NAA15: variants seen among roughly 807,000 people sequenced by gnomAD.
NAA15 encodes N-terminal acetyltransferase.
Under a neutral mutation model 114.0 loss-of-function variants are expected in NAA15, and 34 were observed. That is an observed-to-expected ratio of 0.30 (90% confidence interval 0.23 to 0.40). The LOEUF (loss-of-function observed/expected upper bound fraction) is 0.40, where lower values mean the gene tolerates loss of function less well. Ranked by LOEUF, NAA15 falls within the 10% of genes least tolerant of loss-of-function variation. The probability of loss-of-function intolerance (pLI) is 1.00; values close to 1 mark genes in which losing one functional copy is unlikely to be tolerated. For synonymous variants in NAA15, 340 were observed against 338.0 expected, an observed-to-expected ratio of 1.01 and a Z score of -0.06; for missense variants, 658 against 1,004.5, an observed-to-expected ratio of 0.66 and a Z score of 4.66.
chr4:139,341,036 A>T lies in NAA15; in HGVS notation c.369A>T (p.Leu123=). Residue 123 remains leucine (L), a synonymous_variant, in exon 4 of 20, where the codon CTA becomes CTT. Transcript: ENST00000296543. ...NLQILRDLSL[L]QIQMRDLEGY... ...AAATCTTAAGGGACCTTTCCTTACT[A>T]CAGATTCAAATGCGAGATCTTGAGG... 1 of 1,592,144 alleles carries T rather than the reference A, an allele frequency of 6.3e-7. No homozygotes were observed. Among genetic ancestry groups the T allele is most frequent in the Non-Finnish European group, 8.5e-7 (1 of 1,171,332 alleles).
intron 3 of NAA15, among the ~76,000 whole-genome samples, chr4:139,338,679 C>T (rs1747278966): frequency 6.6e-6 from 1 of 151,952 alleles, no homozygotes; most frequent in African/African-American, 2.4e-5. Flanking sequence ...AACTCCTGAC[C>T]TCAAGCCATC....
At chr4:139,332,832 T>C (rs758506183) in intron 1 of NAA15, among the ~76,000 whole-genome samples, 3 of 152,140 alleles carry the variant, frequency 2.0e-5, no homozygotes, top group Non-Finnish European at 4.4e-5. Context: ...TCCACCCACC[T>C]TGGCCTACCA....
At chr4:139,330,443 C>G (rs575228390) in intron 1 of NAA15, among the ~76,000 whole-genome samples, 3 of 152,192 alleles carry the variant, frequency 2.0e-5, no homozygotes, top group African/African-American at 7.2e-5. Context: ...ATCACTGTGC[C>G]TGCTGAATGC....
At chr4:139,385,108 A>G in intron 18 of NAA15, 130 bp downstream of exon 18, 1 of 759,554 alleles carries the variant, frequency 1.3e-6, no homozygotes, top group Non-Finnish European at 1.9e-6. Flanking sequence ...GATCGTATGA[A>G]AACAGGCAGC....
In NAA15 at chr4:139,364,109, C is replaced by G. The variant is rs140116040; in HGVS notation, c.1753+2172C>G. Among the ~76,000 whole-genome samples, 926 of 152,310 alleles carry G rather than the reference C, an allele frequency of 6.1e-3. 7 individuals are homozygous for G. The highest frequency in any genetic ancestry group is 8.3e-3 in the Non-Finnish European group (568 of 68,034). The stretch of plus-strand genomic sequence containing the variant: ...CAGGCTTGTCTTGAGCCCCTTGGCT[C>G]AAGTGATTCTCCTGCCTTGGTCTCC... On this transcript the variant is annotated intron_variant, in intron 14 of 19. Transcript: ENST00000296543.
chr4:139,308,725 C>T (rs1033903611), intron 1 of NAA15, among the ~76,000 whole-genome samples: 3 of 152,148 alleles, frequency 2.0e-5, no homozygotes, highest in South Asian at 2.1e-4. Context: ...AAGTGATTCT[C>T]CTGCCTCAGC....
chr4:139,346,451 G>GC (rs1158458036), intron 6 of NAA15, among the ~76,000 whole-genome samples: 2 of 152,144 alleles, frequency 1.3e-5, no homozygotes, highest in Admixed American at 1.3e-4. Context: ...GAAATTCAAG[G>GC]CAGTGTTGCT....
At chr4:139,344,617 T>A (rs906919300) in intron 6 of NAA15, among the ~76,000 whole-genome samples, 1 of 152,182 alleles carries the variant, frequency 6.6e-6, no homozygotes, top group African/African-American at 2.4e-5. Context: ...AAAAATATTA[T>A]GGAATTTGAT....
chr4:139,344,041 T>G (rs1747496783), intron 5 of NAA15, 145 bp from the exon 6 acceptor site: 1 of 573,640 alleles, frequency 1.7e-6, no homozygotes, highest in East Asian at 3.0e-5. Context: ...TCAGTTGCTC[T>G]GTAGATACTT....
At chr4:139,333,677 C>A (rs1418599903) in intron 1 of NAA15, among the ~76,000 whole-genome samples, 1 of 152,066 alleles carries the variant, frequency 6.6e-6, no homozygotes, top group South Asian at 2.1e-4. Flanking sequence ...GTCCTGAGAT[C>A]GCTTGAGAAT....
At position 139,345,794 on chromosome 4, in the gene NAA15, G is replaced by C. The variant is rs568904014; in HGVS notation, c.691+1455G>C. The stretch of plus-strand genomic sequence containing the variant: ...AAATTAGCCAGGCGTGGTGGCAGGC[G>C]CCTGTAGTCCCAGCTACTCGGGAGG... On this transcript the variant is annotated intron_variant, in intron 6 of 19. Transcript: ENST00000296543. 2.6e-5 allele frequency among the ~76,000 whole-genome samples: 4 copies of C among 152,166 alleles called. No individual in the cohort carries two copies. The South Asian group carries it at 8.3e-4, about 32-fold the overall frequency.
intron 14 of NAA15, among the ~76,000 whole-genome samples, chr4:139,369,173 G>C (rs1332672699): frequency 6.6e-6 from 1 of 152,088 alleles, no homozygotes; most frequent in Non-Finnish European, 1.5e-5. Flanking sequence ...ACAAACTATT[G>C]TGTCAAGCAA....
chr4:139,301,817 T>G lies in NAA15; in HGVS notation c.40T>G (p.Phe14Val). Residue 14 changes from phenylalanine to valine, a missense_variant, in exon 1 of 20, where the codon TTC (phenylalanine) becomes GTC (valine). Physicochemically the swap from Phe to Val is conservative, Grantham distance 50 (BLOSUM62 -1). Coordinates refer to ENST00000296543, the MANE Select transcript of NAA15 (RefSeq NM_057175.5). ...CCTCCCGCCCAAGGAGAATGCGCTC[T>G]TCAAGCGGATCTTGGTAAGTGTGAG... ...VSLPPKENAL[F>V]KRILRCYEHK... The G allele has an allele frequency of 6.3e-7, 1 of 1,593,894 alleles. No homozygotes were observed. The highest frequency in any genetic ancestry group is 8.5e-7 in the Non-Finnish European group (1 of 1,170,024).
chr4:139,361,789 T>C lies in NAA15; in HGVS notation c.1605T>C (p.Leu535=), dbSNP rs761780817. 1.2e-6 allele frequency: 2 copies of C among 1,613,232 alleles called. No individual in the cohort carries two copies. Among genetic ancestry groups the C allele is most frequent in the East Asian group, 4.5e-5 (2 of 44,780 alleles). ...FHTYCMRKIT[L]RSYVDLLKLE... ...CATACTGTATGAGGAAGATTACCCTTAGATCATATGTGGACTTATTAAAAC... is the reference window on the plus strand; with the variant it reads ...CATACTGTATGAGGAAGATTACCCTCAGATCATATGTGGACTTATTAAAAC... The change falls in exon 14 of 20, where the codon CTT becomes CTC. Residue 535 remains leucine, a synonymous_variant. Coordinates refer to ENST00000296543, the MANE Select transcript of NAA15 (RefSeq NM_057175.5).
rs1748956108 is a variant in NAA15 at position 139,388,018 on chromosome 4, G to C, written c.2535G>C (p.Glu845Asp). The stretch of plus-strand genomic sequence containing the variant: ...CTTTCATGCCTCCTGGATATGAAGA[G>C]GATATGAAGATCACAGTTAATGGAG... ...ALAFMPPGYE[E>D]DMKITVNGDS... is the part of the protein sequence containing the mutation. The change falls in exon 20 of 20, where the codon GAG (glutamate) becomes GAC (aspartate). Residue 845 changes from glutamate (E) to aspartate (D), a missense_variant. By Grantham distance (45) the Glu-to-Asp change is conservative. This residue lies in a region of NAA15 where 275 missense variants were observed against 371.1 expected (regional missense o/e 0.74). Transcript: ENST00000296543. 1.2e-6 allele frequency: 2 copies of C among 1,613,776 alleles called. No individual in the cohort carries two copies. Among genetic ancestry groups the C allele is most frequent in the Admixed American group, 3.3e-5 (2 of 59,996 alleles).
At chr4:139,355,575 TAAATA>T (rs965996480) in intron 10 of NAA15, among the ~76,000 whole-genome samples, 274 of 152,282 alleles carry the variant, frequency 1.8e-3, no homozygotes, top group African/African-American at 6.4e-3. Context: ...TTTAAAAAAT[TAAATA>T]AAATAAATTC....
At chr4:139,311,809 G>A (rs1441968036) in intron 1 of NAA15, among the ~76,000 whole-genome samples, 1 of 151,742 alleles carries the variant, frequency 6.6e-6, no homozygotes, top group Non-Finnish European at 1.5e-5. Context: ...AATATAAAAT[G>A]TTAGAAGAGC....
At chr4:139,307,404 G>A (rs904630083) in intron 1 of NAA15, among the ~76,000 whole-genome samples, 2 of 152,142 alleles carry the variant, frequency 1.3e-5, no homozygotes, top group African/African-American at 2.4e-5. Context: ...GAGTAGCTGC[G>A]ACTACAGGCG....
intron 9 of NAA15, 48 bp from the exon 10 acceptor site, chr4:139,353,978 A>G (rs1202276799): frequency 6.9e-7 from 1 of 1,447,144 alleles, no homozygotes; most frequent in Admixed American, 1.7e-5. Flanking sequence ...TAAGAATAGT[A>G]AATGTGTGTT....
Sources: allele counts gnomAD v4.1 joint callset (sites outside exome capture counted in the v4.1 genomes callset), GRCh38; gene constraint gnomAD v4.1.1; regional missense constraint gnomAD v4.1.1; transcripts MANE v1.5; gene names NCBI Gene and HGNC (gene_info 2026-07-23, HGNC 2026-07-21).